The following CACNA2D1 variants were observed in gnomAD, a reference collection of about 807,000 sequenced individuals.
CACNA2D1 encodes the protein voltage-dependent calcium channel subunit alpha-2/delta-1.
Under a neutral mutation model 171.5 loss-of-function variants are expected in CACNA2D1, and 53 were observed. The ratio of observed to expected loss-of-function variants is 0.31; its 90% CI spans 0.25 to 0.39. The LOEUF (loss-of-function observed/expected upper bound fraction) is 0.39, where lower values mean the gene tolerates loss of function less well. Ranked by LOEUF, CACNA2D1 falls within the 10% of genes least tolerant of loss-of-function variation. The pLI is 1.00. For missense variants in CACNA2D1, 903 were observed against 1,299.8 expected, an observed-to-expected ratio of 0.69 and a Z score of 4.69; for synonymous variants, 442 against 443.1, an observed-to-expected ratio of 1.00 and a Z score of 0.03.
At chr7:82,264,534 T>C (rs1478439147) in intron 3 of CACNA2D1, among the ~76,000 whole-genome samples, 1 of 152,226 alleles carries the variant, frequency 6.6e-6, no homozygotes, top group Non-Finnish European at 1.5e-5. Flanking sequence ...GTGTCAGCTC[T>C]GCTGTCTCTG....
At chr7:82,362,200 A>G (rs1012578415) in intron 1 of CACNA2D1, among the ~76,000 whole-genome samples, 1 of 152,174 alleles carries the variant, frequency 6.6e-6, no homozygotes, top group Non-Finnish European at 1.5e-5. Context: ...AAACATCAAC[A>G]TTCCAAATGA....
At chr7:82,247,970 C>G (rs893910131) in intron 3 of CACNA2D1, among the ~76,000 whole-genome samples, 12 of 152,110 alleles carry the variant, frequency 7.9e-5, no homozygotes, top group African/African-American at 2.9e-4. Flanking sequence ...GGAAATAACA[C>G]AAATGCCAGG....
intron 6 of CACNA2D1, among the ~76,000 whole-genome samples, chr7:82,111,114 T>C (rs1409526650): frequency 2.0e-5 from 3 of 151,788 alleles, no homozygotes; most frequent in Admixed American, 2.0e-4. Context: ...ATTCCTATGA[T>C]ATATATTTTA....
intron 31 of CACNA2D1, 68 bp downstream of exon 31, chr7:81,967,101 C>A (rs1584217356): frequency 5.8e-6 from 7 of 1,197,876 alleles, no homozygotes; most frequent in African/African-American, 1.5e-5. Context: ...TTTTTCATCA[C>A]TATAGTCTTA....
At chr7:82,113,782 C>G (rs1788714425) in intron 6 of CACNA2D1, among the ~76,000 whole-genome samples, 1 of 152,160 alleles carries the variant, frequency 6.6e-6, no homozygotes, top group South Asian at 2.1e-4. Flanking sequence ...TTTTCCAGAT[C>G]TTGTGGACAT....
chr7:82,441,121 A>G (rs1299914168), intron 1 of CACNA2D1, among the ~76,000 whole-genome samples: 2 of 152,072 alleles, frequency 1.3e-5, no homozygotes, highest in Non-Finnish European at 2.9e-5. Context: ...TCCTGATTAA[A>G]CAGTGCATAT....
At chr7:82,066,425 A>C (rs376786279) in intron 8 of CACNA2D1, 30 bp downstream of exon 8, 1 of 1,610,130 alleles carries the variant, frequency 6.2e-7, no homozygotes, top group Non-Finnish European at 8.5e-7. Flanking sequence ...TGCCTATTTT[A>C]TCTTTTCATG....
At chr7:82,138,944 AT>A (rs1792035057) in intron 4 of CACNA2D1, among the ~76,000 whole-genome samples, 1 of 152,154 alleles carries the variant, frequency 6.6e-6, no homozygotes. Context: ...GTTCATCTTC[AT>A]TTTAGACTTT....
At chr7:82,339,066 T>C (rs569815838) in intron 2 of CACNA2D1, among the ~76,000 whole-genome samples, 4 of 152,238 alleles carry the variant, frequency 2.6e-5, no homozygotes, top group Admixed American at 6.5e-5. Context: ...ATACACCAGA[T>C]ACCTTGTCAT....
intron 25 of CACNA2D1, 131 bp downstream of exon 25, chr7:81,974,324 T>G: frequency 1.8e-6 from 1 of 561,280 alleles, no homozygotes. Context: ...TGTTACATTT[T>G]ACTATTAAAA....
rs1044018351 is a variant in CACNA2D1 at position 82,287,397 on chromosome 7, A to T, written c.294+47738T>A. 2.6e-5 allele frequency among the ~76,000 whole-genome samples: 4 copies of T among 152,114 alleles called. No homozygotes were observed. In the East Asian group the frequency reaches 7.7e-4, roughly 29 times the overall value. ...AGGATGGATGTTATCCTTGGCTGGG[A>T]TGTTCTGGAGAAATAACCACATTGA... is the stretch of plus-strand genomic sequence containing the variant. On this transcript the variant is annotated intron_variant, in intron 3 of 38. Transcript: ENST00000356860.
At chr7:82,056,009 TAAAAAAA>T (rs61512655) in intron 10 of CACNA2D1, among the ~76,000 whole-genome samples, 1 of 42,196 alleles carries the variant, frequency 2.4e-5, no homozygotes, top group Admixed American at 3.7e-4. Context: ...ACTCAAAAGT[TAAAAAAA>T]AAAAAAAAAA....
chr7:81,996,552 A>AT (rs1468503224), intron 19 of CACNA2D1, among the ~76,000 whole-genome samples: 1 of 151,938 alleles, frequency 6.6e-6, no homozygotes, highest in African/African-American at 2.4e-5. Flanking sequence ...TGTACCTCAA[A>AT]TGTATCATCA....
At chr7:82,279,785 G>A (rs1294808766) in intron 3 of CACNA2D1, among the ~76,000 whole-genome samples, 1 of 151,928 alleles carries the variant, frequency 6.6e-6, no homozygotes, top group East Asian at 1.9e-4. Flanking sequence ...ATCATAATAA[G>A]TATATATACC....
intron 19 of CACNA2D1, among the ~76,000 whole-genome samples, chr7:81,996,431 C>T (rs886508269): frequency 2.0e-5 from 3 of 151,716 alleles, no homozygotes; most frequent in Non-Finnish European, 2.9e-5. Context: ...ATGGCATTTG[C>T]AAGGGAGTTA....
intron 3 of CACNA2D1, among the ~76,000 whole-genome samples, chr7:82,276,761 T>C (rs1809392259): frequency 6.6e-6 from 1 of 151,474 alleles, no homozygotes; most frequent in Admixed American, 6.6e-5. Context: ...TTTCTTTTTT[T>C]TTTTTTTAGA....
In CACNA2D1 at chr7:82,272,974, G is replaced by A. The variant is rs565074757; in HGVS notation, c.294+62161C>T. 1.1e-4 allele frequency among the ~76,000 whole-genome samples: 17 copies of A among 152,042 alleles called. No homozygotes were observed. The East Asian group carries it at 3.3e-3, about 29-fold the overall frequency. On this transcript the variant is annotated intron_variant, in intron 3 of 38. Transcript: ENST00000356860. The stretch of plus-strand genomic sequence containing the variant: ...GTTATTTTAAGCCACTTTATTTTGA[G>A]GTAATTCATTATATGTAGCAATAAG...
intron 4 of CACNA2D1, among the ~76,000 whole-genome samples, chr7:82,159,452 G>A (rs1018049461): frequency 5.3e-5 from 8 of 151,658 alleles, no homozygotes; most frequent in Non-Finnish European, 8.8e-5. Context: ...CAAATCACTA[G>A]CTTATTCAGA....
In CACNA2D1 at chr7:82,277,654, A is replaced by G. The variant is rs118053949; in HGVS notation, c.294+57481T>C. Among the ~76,000 whole-genome samples the G allele has an allele frequency of 5.4e-3, 819 of 152,256 alleles. 18 individuals are homozygous for G. The East Asian group carries it at 0.089, about 17-fold the overall frequency. On this transcript the variant is annotated intron_variant, in intron 3 of 38. Coordinates refer to ENST00000356860, the MANE Select transcript of CACNA2D1 (RefSeq NM_000722.4). ...ATCTTCAACCTCAACCGGTTGTGTG[A>G]GGATACACACACACATACACAAAAA... is the stretch of plus-strand genomic sequence containing the variant.
Sources: allele counts gnomAD v4.1 joint callset (sites outside exome capture counted in the v4.1 genomes callset), GRCh38; gene constraint gnomAD v4.1.1; transcripts MANE v1.5; gene names NCBI Gene and HGNC (gene_info 2026-07-23, HGNC 2026-07-21).